TSPAN33: variants seen among roughly 807,000 people sequenced by gnomAD.
The protein encoded by TSPAN33 is tetraspanin-33.
Under a neutral mutation model 34.8 loss-of-function variants are expected in TSPAN33, and 27 were observed. The observed-to-expected ratio is 0.78, with a 90% CI of 0.57 to 1.07. TSPAN33 has a LOEUF of 1.07. Ranked by LOEUF, TSPAN33 falls within the 50% of genes least tolerant of loss-of-function variation. The pLI is 0.00. For missense variants in TSPAN33, 272 were observed against 324.9 expected, an observed-to-expected ratio of 0.84 and a Z score of 1.25; for synonymous variants, 119 against 124.2, an observed-to-expected ratio of 0.96 and a Z score of 0.28.
At chr7:129,153,078 AAAAAG>A (rs1172838678) in intron 1 of TSPAN33, among the ~76,000 whole-genome samples, 1 of 151,018 alleles carries the variant, frequency 6.6e-6, no homozygotes, top group African/African-American at 2.4e-5. Context: ...AAAAAAAAAA[AAAAAG>A]AAAAAGAAAA....
At chr7:129,153,064 AAAAAAAAAAAAAAAAAAAGAAAAAG>A (rs1810619267) in intron 1 of TSPAN33, among the ~76,000 whole-genome samples, 1 of 99,380 alleles carries the variant, frequency 1.0e-5, no homozygotes, top group Non-Finnish European at 2.2e-5. Context: ...CGTCTCAAAA[AAAAAAAAAAAAAAAAAAAGAAAAAG>A]AAAAAGAAAA....
chr7:129,167,333 G>C lies in TSPAN33; in HGVS notation c.589-66G>C, dbSNP rs905376651. 1.8e-4 allele frequency: 281 copies of C among 1,549,792 alleles called. 2 individuals carry two copies. The South Asian group carries it at 3.3e-3, about 18-fold the overall frequency. On this transcript the variant is annotated intron_variant, in intron 6 of 7. Transcript: ENST00000486685. The surrounding 1 kb of genome is among the most constrained non-coding windows in gnomAD (Gnocchi z 4.6). ...TTTGGGAAGGGTGGGAAGCCCATCA[G>C]CTAAGGCCCCAAACAAAAAGTTATT...
rs1181826465 is a variant in TSPAN33 at position 129,169,306 on chromosome 7, A to AGGCGG, written c.*1439_*1443dup. ...TGGCGCCGGGAGGAGCGCGCGAGGC[A>AGGCGG]GGCGGGGCGGGCGCGTCCGGGGCGG... On this transcript the variant is annotated 3_prime_UTR_variant, in exon 8 of 8. Transcript: ENST00000486685. 6.6e-6 allele frequency: 1 copy of AGGCGG among 152,272 alleles called. No homozygotes were observed. The highest frequency in any genetic ancestry group is 1.5e-5 in the Non-Finnish European group (1 of 68,160). 9.4% of individuals were successfully genotyped at this position (152,272 alleles called of 1,614,324 possible).
rs1793125081 is a variant in TSPAN33, at chr7:129,165,522, A to G, written c.459+953A>G. Among the ~76,000 whole-genome samples the G allele has an allele frequency of 6.6e-6, 1 of 152,224 alleles. No individual in the cohort carries two copies. On this transcript the variant is annotated intron_variant, in intron 5 of 7. Transcript: ENST00000486685. This position sits in a 1 kb window ranked among gnomAD's most constrained non-coding sequence, Gnocchi z 4.5. ...GGCTGAATAATATTCTGTTGTATGT[A>G]TATGCCACATTTTGTTTATCCATTC...
Position 129,167,908 on chromosome 7 carries a change from G to T in TSPAN33, c.*34G>T. 6.2e-7 allele frequency: 1 copy of T among 1,609,920 alleles called. No individual in the cohort carries two copies. The highest frequency in any genetic ancestry group is 1.1e-5 in the South Asian group (1 of 90,322). ...CCTGCACCTCCTCACCATGGAAACT[G>T]GCAAGCCTCATAAACGAACAGCAGT... On this transcript the variant is annotated 3_prime_UTR_variant, in exon 8 of 8. Transcript: ENST00000486685. This position sits in a 1 kb window ranked among gnomAD's most constrained non-coding sequence, Gnocchi z 4.6.
At chr7:129,155,694 A>G (rs1420389696) in intron 1 of TSPAN33, among the ~76,000 whole-genome samples, 1 of 151,426 alleles carries the variant, frequency 6.6e-6, no homozygotes, top group Non-Finnish European at 1.5e-5. Context: ...CTTCTGTTCC[A>G]GAATCCTATT....
chr7:129,167,647 T>C lies in TSPAN33; in HGVS notation c.750+87T>C. 1 of 1,562,142 alleles carries C rather than the reference T, an allele frequency of 6.4e-7. No individual in the cohort carries two copies. The highest frequency in any genetic ancestry group is 8.8e-7 in the Non-Finnish European group (1 of 1,141,744). ...GAAGGCACCTGGGGATCAGCGAGGG[T>C]GTCAGGCACTGACATGGCTGAGGGG... On this transcript the variant is annotated intron_variant, in intron 7 of 7. Coordinates refer to ENST00000486685, the MANE Select transcript of TSPAN33 (RefSeq NM_178562.5). This position sits in a 1 kb window ranked among gnomAD's most constrained non-coding sequence, Gnocchi z 4.6.
At position 129,165,583 on chromosome 7, in the gene TSPAN33, C is replaced by T. The variant is rs574987115; in HGVS notation, c.459+1014C>T. On this transcript the variant is annotated intron_variant, in intron 5 of 7. Transcript: ENST00000486685. This position sits in a 1 kb window ranked among gnomAD's most constrained non-coding sequence, Gnocchi z 4.5. ...GGAGAAAAGGGTTGCTTCCACCGTT[C>T]GGCTACTGTGAACAAGGCTGCTATG... 5.3e-5 allele frequency among the ~76,000 whole-genome samples: 8 copies of T among 152,304 alleles called. No homozygotes were observed. The East Asian group carries it at 1.4e-3, about 26-fold the overall frequency.
rs775638386 is a variant in TSPAN33, at chr7:129,162,491, C to G, written c.258C>G (p.Ser86=). The G allele has an allele frequency of 6.2e-7, 1 of 1,613,608 alleles. No homozygotes were observed. The highest frequency in any genetic ancestry group is 1.3e-5 in the African/African-American group (1 of 74,920). The change falls in exon 3 of 8, where the codon TCC becomes TCG. Residue 86 remains serine, a synonymous_variant. Transcript: ENST00000486685. ...TCACCTTCTGTGGCTGCATTGGGTC[C>G]CTCCGCGAGAACATCTGCCTCCTGC... ...FLLTFCGCIG[S]LRENICLLQT...
intron 1 of TSPAN33, among the ~76,000 whole-genome samples, chr7:129,157,463 TTAA>T (rs1227930410): frequency 1.3e-5 from 2 of 152,150 alleles, no homozygotes; most frequent in South Asian, 2.1e-4. Flanking sequence ...ATATTAAATA[TTAA>T]TAATAATATT....
intron 1 of TSPAN33, among the ~76,000 whole-genome samples, chr7:129,156,123 T>C (rs572586405): frequency 6.6e-6 from 1 of 152,154 alleles, no homozygotes; most frequent in African/African-American, 2.4e-5. Flanking sequence ...TTGACAGTTT[T>C]GGGAAGTGCT....
chr7:129,156,781 G>T (rs1810670327), intron 1 of TSPAN33, among the ~76,000 whole-genome samples: 1 of 152,112 alleles, frequency 6.6e-6, no homozygotes, highest in Non-Finnish European at 1.5e-5. Flanking sequence ...CTCATCTCGT[G>T]CCTTTCCTGC....
At position 129,159,051 on chromosome 7, in the gene TSPAN33, A is replaced by G. The variant is rs369204591; in HGVS notation, c.103-2628A>G. ...GGCATGAGCCACTGCACCCGGCCCC[A>G]CATTTTCTTTTTCTTTCTTTTTTTT... On this transcript the variant is annotated intron_variant, in intron 1 of 7. Transcript: ENST00000486685. Among the ~76,000 whole-genome samples the G allele has an allele frequency of 8.1e-5, 12 of 148,296 alleles. No homozygotes were observed. The East Asian group carries it at 1.8e-3, about 22-fold the overall frequency.
chr7:129,155,533 A>G (rs1019189488), intron 1 of TSPAN33, among the ~76,000 whole-genome samples: 3 of 152,190 alleles, frequency 2.0e-5, no homozygotes, highest in African/African-American at 7.2e-5. Flanking sequence ...TCAATTAAAA[A>G]CATTTTAAGA....
chr7:129,150,328 C>T (rs1810575796), intron 1 of TSPAN33, among the ~76,000 whole-genome samples: 1 of 152,216 alleles, frequency 6.6e-6, no homozygotes, highest in African/African-American at 2.4e-5. Context: ...CCTCCTGGGC[C>T]CTGCTGGCAC....
At chr7:129,157,019 C>T (rs755047864) in intron 1 of TSPAN33, among the ~76,000 whole-genome samples, 4 of 152,158 alleles carry the variant, frequency 2.6e-5, no homozygotes, top group Non-Finnish European at 4.4e-5. Flanking sequence ...TCATTCTAGT[C>T]GGAATGTGAA....
intron 1 of TSPAN33, among the ~76,000 whole-genome samples, chr7:129,149,995 G>A (rs1440184462): frequency 6.6e-6 from 1 of 152,226 alleles, no homozygotes; most frequent in Non-Finnish European, 1.5e-5. Flanking sequence ...GGGTAGGGAG[G>A]ACTGAGAAAC....
rs1793069826 is a variant in TSPAN33 at position 129,162,559 on chromosome 7, T to C, written c.288+38T>C. The C allele has an allele frequency of 4.4e-6, 7 of 1,606,758 alleles. No individual in the cohort carries two copies. The East Asian group carries it at 1.6e-4, about 36-fold the overall frequency. On this transcript the variant is annotated intron_variant, in intron 3 of 7. Coordinates refer to ENST00000486685, the MANE Select transcript of TSPAN33 (RefSeq NM_178562.5). ...GGCCCCACTGGAAAGACCCTGGCCCTCTCCCCATCATGCCTCTTAGCCTCC... is the reference window on the plus strand; with the variant it reads ...GGCCCCACTGGAAAGACCCTGGCCCCCTCCCCATCATGCCTCTTAGCCTCC...
chr7:129,146,824 C>G (rs1306236326), intron 1 of TSPAN33, among the ~76,000 whole-genome samples: 1 of 152,198 alleles, frequency 6.6e-6, no homozygotes, highest in African/African-American at 2.4e-5. Context: ...TAGGTCGTCA[C>G]TCTGACTTCC....
Sources: gnomAD v4.1 joint callset for allele counts (sites outside exome capture counted in the v4.1 genomes callset) on GRCh38, gnomAD v4.1.1 for gene constraint, Gnocchi (gnomAD v3.1) non-coding constraint, MANE v1.5 for transcripts, NCBI Gene and HGNC (gene_info 2026-07-23, HGNC 2026-07-21) for gene names.